Variants in ANO1 observed in about 807,000 individuals in gnomAD.
ANO1 encodes the protein anoctamin 1, also known as anoctamin-1.
Under a neutral mutation model 124.0 loss-of-function variants are expected in ANO1, and 59 were observed. That is an observed-to-expected ratio of 0.48 (90% CI 0.39 to 0.59). ANO1 has a LOEUF of 0.59. Among genes scored for constraint, ANO1 ranks in the 20% least tolerant of loss-of-function variants. The probability of loss-of-function intolerance (pLI) is 0.00; values close to 1 mark genes in which losing one functional copy is unlikely to be tolerated. For missense variants in ANO1, 1,059 were observed against 1,328.0 expected, an observed-to-expected ratio of 0.80 and a Z score of 3.15; for synonymous variants, 529 against 532.0, an observed-to-expected ratio of 0.99 and a Z score of 0.08.
rs143133261 is a variant in ANO1 at position 70,010,164 on chromosome 11, TGCGC to T, written c.58+24000_58+24003del. On this transcript the variant is annotated intron_variant, in intron 1 of 27. Coordinates refer to the ANO1 transcript ENST00000531349. The stretch of plus-strand genomic sequence containing the variant: ...GTGTGTGTGTGTGTGTGTGTGTGTG[TGCGC>T]GTGTGTGTGTGTATATATATATATA... Among the ~76,000 whole-genome samples, 568 of 61,230 alleles carry T rather than the reference TGCGC, an allele frequency of 9.3e-3. 43 individuals are homozygous for T. Among genetic ancestry groups the T allele is most frequent in the East Asian group, 0.06 (39 of 652 alleles). The allele number at this position is 61,230 out of a possible 152,430, so 40.2% of individuals were successfully genotyped here. A position where few individuals can be genotyped will look rare whatever the true frequency, so the allele number is the denominator to read the frequency against.
chr11:70,117,769 A>C (rs1221950141), intron 8 of ANO1, among the ~76,000 whole-genome samples: 1 of 152,054 alleles, frequency 6.6e-6, no homozygotes, highest in Non-Finnish European at 1.5e-5. Context: ...CCCAATTCCC[A>C]GGGGCCAGGA....
At chr11:69,975,686 C>T in the ANO1 span, among the ~76,000 whole-genome samples, 5 of 152,288 alleles carry the variant, frequency 3.3e-5, no homozygotes, top group Admixed American at 1.3e-4. Context: ...ACTCTGGCTC[C>T]GGGATCCGCT....
At chr11:69,984,822 G>A (rs1565153831), upstream of ANO1, among the ~76,000 whole-genome samples, 1 of 152,242 alleles carries the variant, frequency 6.6e-6, no homozygotes, top group Non-Finnish European at 1.5e-5. Flanking sequence ...CCCTTGGGGT[G>A]CAGAAGTTGT....
At chr11:70,038,454 C>T (rs1232679445) in intron 1 of ANO1, among the ~76,000 whole-genome samples, 1 of 152,190 alleles carries the variant, frequency 6.6e-6, no homozygotes, top group Non-Finnish European at 1.5e-5. Flanking sequence ...CGGGTGTGCT[C>T]TCACGGCAAG....
At chr11:70,086,568 C>T (rs765109107) in intron 1 of ANO1, among the ~76,000 whole-genome samples, 30 of 152,216 alleles carry the variant, frequency 2.0e-4, no homozygotes, top group Non-Finnish European at 3.2e-4. Flanking sequence ...AGGTGACTGA[C>T]CGTGCAGGTG....
intron 1 of ANO1, among the ~76,000 whole-genome samples, chr11:70,065,538 G>A (rs1179726552): frequency 6.6e-6 from 1 of 152,146 alleles, no homozygotes; most frequent in African/African-American, 2.4e-5. Flanking sequence ...AGGCCCTGCA[G>A]GCCTGGCCTT....
intron 1 of ANO1, among the ~76,000 whole-genome samples, 151 bp downstream of exon 1, chr11:70,078,865 G>C (rs1002691332): frequency 6.7e-6 from 1 of 150,110 alleles, no homozygotes; most frequent in Admixed American, 6.6e-5. Flanking sequence ...GCGCACGTGC[G>C]TGCCGGGAAG....
At chr11:70,016,159 C>G (rs1285490855) in intron 1 of ANO1, among the ~76,000 whole-genome samples, 1 of 151,942 alleles carries the variant, frequency 6.6e-6, no homozygotes, top group African/African-American at 2.4e-5. Flanking sequence ...TCCTAAGTAG[C>G]TGGGACTACA....
chr11:69,974,456 C>T, the ANO1 span, among the ~76,000 whole-genome samples: 2 of 152,210 alleles, frequency 1.3e-5, no homozygotes, highest in African/African-American at 2.4e-5. Context: ...CTATCATGAA[C>T]GACCGCTTTA....
chr11:69,972,688 G>A, the ANO1 span, among the ~76,000 whole-genome samples: 1 of 152,058 alleles, frequency 6.6e-6, no homozygotes, highest in South Asian at 2.1e-4. Context: ...ACCCTAAGAA[G>A]ACTCAGGTCC....
intron 1 of ANO1, among the ~76,000 whole-genome samples, chr11:70,048,837 TG>T (rs1333092659): frequency 6.6e-6 from 1 of 151,922 alleles, no homozygotes; most frequent in Non-Finnish European, 1.5e-5. Context: ...TTATATCCCT[TG>T]GGGGGGCCTA....
chr11:70,108,095 C>T (rs1025511603), intron 5 of ANO1: 8 of 459,542 alleles, frequency 1.7e-5, no homozygotes, highest in African/African-American at 1.2e-4. Flanking sequence ...TGCCATGACT[C>T]CCACGTTGGG....
intron 9 of ANO1, among the ~76,000 whole-genome samples, chr11:70,125,661 G>T (rs563027184): frequency 6.6e-6 from 1 of 151,014 alleles, no homozygotes; most frequent in African/African-American, 2.4e-5. Context: ...TGGCTAACAC[G>T]GCGAAACTCC....
At chr11:70,135,231 C>T (rs577069744) in intron 11 of ANO1, among the ~76,000 whole-genome samples, 1 of 152,248 alleles carries the variant, frequency 6.6e-6, no homozygotes, top group African/African-American at 2.4e-5. Context: ...GGGAGGAATT[C>T]AGCCCTTAGA....
At chr11:70,123,420 C>T (rs556999637) in intron 8 of ANO1, among the ~76,000 whole-genome samples, 13 of 152,330 alleles carry the variant, frequency 8.5e-5, no homozygotes, top group Middle Eastern at 3.4e-3. Flanking sequence ...CTCAGGCACG[C>T]GAGGCTATGT....
chr11:70,172,059 G>A lies in ANO1; in HGVS notation c.2350+1020G>A, dbSNP rs181988080. On this transcript the variant is annotated intron_variant, in intron 22 of 25. Transcript: ENST00000355303. ...CATGTCAGCCCAGGAGGTCAAGGCT[G>A]CAGTGAGACGTGATCATGCCACTAC... Among the ~76,000 whole-genome samples, 56 of 149,824 alleles carry A rather than the reference G, an allele frequency of 3.7e-4. No homozygotes were observed. In the East Asian group the frequency reaches 9.8e-3, roughly 26 times the overall value.
the ANO1 span, among the ~76,000 whole-genome samples, chr11:69,971,705 A>G: frequency 4.6e-5 from 7 of 151,978 alleles, no homozygotes; most frequent in African/African-American, 1.7e-4. Context: ...ATCAAAGCTC[A>G]CCCTCACTTT....
chr11:70,090,167 C>G (rs1006736299), intron 2 of ANO1, among the ~76,000 whole-genome samples: 2 of 152,196 alleles, frequency 1.3e-5, no homozygotes, highest in Non-Finnish European at 2.9e-5. Flanking sequence ...GCCGTCACGC[C>G]CAGCTAATTT....
At chr11:70,133,231 G>A (rs73530022) in intron 11 of ANO1, among the ~76,000 whole-genome samples, 5,474 of 152,256 alleles carry the variant, frequency 0.036, 314 homozygotes, top group African/African-American at 0.12. Flanking sequence ...GCCAGGTTGC[G>A]GGGCTCTGTG....
Sources: gnomAD v4.1 joint callset for allele counts (sites outside exome capture counted in the v4.1 genomes callset) on GRCh38, gnomAD v4.1.1 for gene constraint, MANE v1.5 for transcripts, NCBI Gene and HGNC (gene_info 2026-07-23, HGNC 2026-07-21) for gene names.